GPC5: variants seen among roughly 807,000 people sequenced by gnomAD.
GPC5 encodes the protein glypican-5.
GPC5 carries 47 observed loss-of-function variants against 53.9 expected under a neutral mutation model. The observed-to-expected ratio is 0.87, with a 90% CI of 0.69 to 1.11. The LOEUF is 1.11. Among genes scored for constraint, GPC5 ranks in the 50% most tolerant of loss-of-function variants. The probability of loss-of-function intolerance (pLI) is 0.00; values close to 1 mark genes in which losing one functional copy is unlikely to be tolerated. For missense variants in GPC5, 748 were observed against 713.1 expected (o/e 1.05, Z -0.56); for synonymous variants, 286 against 263.3 (o/e 1.09, Z -0.84).
intron 6 of GPC5, among the ~76,000 whole-genome samples, chr13:91,964,763 G>T (rs2040164437): frequency 6.6e-6 from 1 of 152,060 alleles, no homozygotes; most frequent in Non-Finnish European, 1.5e-5. Flanking sequence ...AAATCATGCT[G>T]CTATGAAGAC....
At chr13:91,629,660 T>A (rs996730905) in intron 2 of GPC5, among the ~76,000 whole-genome samples, 3 of 152,010 alleles carry the variant, frequency 2.0e-5, no homozygotes, top group Non-Finnish European at 4.4e-5. Flanking sequence ...ATGTATATAT[T>A]TTTTTTCAAA....
At chr13:92,462,378 T>C (rs143018825) in intron 7 of GPC5, among the ~76,000 whole-genome samples, 61 of 151,652 alleles carry the variant, frequency 4.0e-4, no homozygotes, top group African/African-American at 1.5e-3. Context: ...AGGTAGAGAG[T>C]TTAAGGTTGG....
At chr13:91,564,635 G>GT (rs1265251308) in intron 2 of GPC5, among the ~76,000 whole-genome samples, 2 of 152,130 alleles carry the variant, frequency 1.3e-5, no homozygotes, top group East Asian at 3.9e-4. Flanking sequence ...CCTGCAGACT[G>GT]TTTTCTAATC....
At position 92,791,159 on chromosome 13, in the gene GPC5, G is replaced by T. The variant is rs1409903098; in HGVS notation, c.1562-75123G>T. On this transcript the variant is annotated intron_variant, in intron 7 of 7. Transcript: ENST00000377067. ...ACTTTTCTCTCCAAAGTGAAATTGG[G>T]TATTTATAATTTCACTTGCCTTGAT... is the stretch of plus-strand genomic sequence containing the variant. 2.0e-5 allele frequency among the ~76,000 whole-genome samples: 3 copies of T among 152,192 alleles called. No individual in the cohort carries two copies. The East Asian group carries it at 5.8e-4, about 29-fold the overall frequency.
intron 6 of GPC5, among the ~76,000 whole-genome samples, chr13:92,062,669 T>C (rs998825504): frequency 6.6e-6 from 1 of 151,978 alleles, no homozygotes; most frequent in Non-Finnish European, 1.5e-5. Context: ...TAAAATAAAC[T>C]TTTGGGTTTG....
At chr13:92,438,380 AT>A (rs1392340991) in intron 7 of GPC5, among the ~76,000 whole-genome samples, 4 of 24,386 alleles carry the variant, frequency 1.6e-4, no homozygotes, top group East Asian at 4.7e-3. Context: ...TTAAAGCAAA[AT>A]AAATATATAT....
chr13:91,840,746 AT>A (rs77227820), intron 5 of GPC5, among the ~76,000 whole-genome samples: 8,865 of 148,800 alleles, frequency 0.06, 462 homozygotes, highest in East Asian at 0.22. Context: ...TCCTATTTTT[AT>A]TTTTTTTTTT....
intron 5 of GPC5, among the ~76,000 whole-genome samples, chr13:91,798,717 C>T (rs148240198): frequency 6.6e-6 from 1 of 151,786 alleles, no homozygotes; most frequent in East Asian, 1.9e-4. Flanking sequence ...GATTATATAC[C>T]CAAAGAGATA....
At chr13:92,020,378 A>G (rs989995976) in intron 6 of GPC5, among the ~76,000 whole-genome samples, 10 of 152,146 alleles carry the variant, frequency 6.6e-5, no homozygotes, top group Non-Finnish European at 1.3e-4. Flanking sequence ...GGAATTTTTA[A>G]GTTTGTTGTT....
chr13:92,359,283 T>A (rs549780137), intron 7 of GPC5, among the ~76,000 whole-genome samples: 1 of 151,644 alleles, frequency 6.6e-6, no homozygotes, highest in Non-Finnish European at 1.5e-5. Flanking sequence ...TGACCTTTAC[T>A]CCATTTCCCA....
chr13:92,042,718 T>C (rs568981610), intron 6 of GPC5, among the ~76,000 whole-genome samples: 1 of 152,274 alleles, frequency 6.6e-6, no homozygotes, highest in East Asian at 1.9e-4. Flanking sequence ...TTGTGACTCA[T>C]GCGCAAGAAA....
At chr13:92,488,318 A>G (rs1239735560) in intron 7 of GPC5, among the ~76,000 whole-genome samples, 2 of 152,238 alleles carry the variant, frequency 1.3e-5, no homozygotes, top group Admixed American at 1.3e-4. Flanking sequence ...AAATTTATGC[A>G]TCACTTTTCC....
At position 91,432,207 on chromosome 13, in the gene GPC5, G is replaced by C. The variant is rs368274599; in HGVS notation, c.164-16554G>C. On this transcript the variant is annotated intron_variant, in intron 1 of 7. Coordinates refer to ENST00000377067, the MANE Select transcript of GPC5 (RefSeq NM_004466.6). ...CCACTGCTGCTGCTGCTGCTGCTGT[G>C]TGTGTGTGTGTGTGTGTGTGTGTGT... Among the ~76,000 whole-genome samples the C allele has an allele frequency of 5.0e-3, 612 of 121,590 alleles. 15 individuals are homozygous for C. In the South Asian group the frequency reaches 0.089, roughly 18 times the overall value. The allele number at this position is 121,590 out of a possible 152,430, so 79.8% of individuals were successfully genotyped here. A position where few individuals can be genotyped will look rare whatever the true frequency, so the allele number is the denominator to read the frequency against.
At chr13:92,330,044 T>C (rs964895522) in intron 7 of GPC5, among the ~76,000 whole-genome samples, 3 of 152,188 alleles carry the variant, frequency 2.0e-5, no homozygotes, top group African/African-American at 7.2e-5. Context: ...AGCCAACTTT[T>C]CCTAATTAGT....
At chr13:92,827,012 C>A (rs1205861062) in intron 7 of GPC5, among the ~76,000 whole-genome samples, 1 of 152,006 alleles carries the variant, frequency 6.6e-6, no homozygotes, top group Non-Finnish European at 1.5e-5. Context: ...GAGGTAAATC[C>A]TTGCTTTTCA....
chr13:92,014,984 T>A (rs2138781483), intron 6 of GPC5, among the ~76,000 whole-genome samples: 1 of 152,208 alleles, frequency 6.6e-6, no homozygotes, highest in South Asian at 2.1e-4. Context: ...GGGCAAGGGA[T>A]CTAGTGTCAG....
chr13:92,311,109 A>AAAAACAAAAAGTTAT (rs1487423580), intron 7 of GPC5, among the ~76,000 whole-genome samples: 30 of 152,358 alleles, frequency 2.0e-4, no homozygotes, highest in African/African-American at 7.0e-4. Flanking sequence ...GAAAAACAAG[A>AAAAACAAAAAGTTAT]AAAACAAAAA....
rs80252370 is a variant in GPC5, at chr13:91,708,301, T to C, written c.1020+14420T>C. ...TTTTTTTTGTTTTTCCCCTGGGATA[T>C]GACTGTATACTCTGAGTTGGGTTTC... On this transcript the variant is annotated intron_variant, in intron 3 of 7. Transcript: ENST00000377067. Among the ~76,000 whole-genome samples, 693 of 152,202 alleles carry C rather than the reference T, an allele frequency of 4.6e-3. 3 individuals carry two copies. The highest frequency in any genetic ancestry group is 0.016 in the African/African-American group (658 of 41,528).
chr13:91,709,324 C>A (rs1275757535), intron 3 of GPC5, among the ~76,000 whole-genome samples: 1 of 152,150 alleles, frequency 6.6e-6, no homozygotes, highest in Non-Finnish European at 1.5e-5. Flanking sequence ...AATTTAAAAG[C>A]CTTTATACTG....
Sources: gnomAD v4.1 joint callset for allele counts (sites outside exome capture counted in the v4.1 genomes callset) on GRCh38, gnomAD v4.1.1 for gene constraint, MANE v1.5 for transcripts, NCBI Gene and HGNC (gene_info 2026-07-23, HGNC 2026-07-21) for gene names.